The following TANC1 variants were observed in gnomAD, a reference collection of about 807,000 sequenced individuals.
TANC1 encodes protein TANC1.
In TANC1, 77 loss-of-function variants were observed where a neutral mutation model predicts 149.7. That is an observed-to-expected ratio of 0.51 (90% CI 0.43 to 0.62). TANC1 has a LOEUF of 0.62. TANC1 is among the 20% of genes least tolerant of loss of function. TANC1 has a pLI of 0.00. For missense variants in TANC1, 1,985 were observed against 2,321.8 expected (o/e 0.85, Z 2.98); for synonymous variants, 854 against 925.0 (o/e 0.92, Z 1.39).
At position 159,103,245 on chromosome 2, in the gene TANC1, C is replaced by T. The variant is rs1176218864; in HGVS notation, c.259+5411C>T. The stretch of plus-strand genomic sequence containing the variant: ...TATTTACAAACATCTCTGATATCTC[C>T]TTGGGGTAGCAGGTTCCCAGCAGTG... On this transcript the variant is annotated intron_variant, in intron 4 of 26. Coordinates refer to ENST00000263635, the MANE Select transcript of TANC1 (RefSeq NM_033394.3). 5.2e-5 allele frequency among the ~76,000 whole-genome samples: 5 copies of T among 95,516 alleles called. 2 individuals carry two copies. The highest frequency in any genetic ancestry group is 8.7e-5 in the Non-Finnish European group (3 of 34,322). The allele number at this position is 95,516 out of a possible 152,430, so 62.7% of individuals were successfully genotyped here.
Position 159,170,524 on chromosome 2 carries a change from C to G in TANC1, c.1070C>G (p.Ala357Gly). Residue 357 changes from alanine (A) to glycine (G), a missense_variant and splice_region_variant, in exon 10 of 27, where the codon GCA (alanine) becomes GGA (glycine). Physicochemically the swap from Ala to Gly is moderately conservative, Grantham distance 60 (BLOSUM62 0). Coordinates refer to ENST00000263635, the MANE Select transcript of TANC1 (RefSeq NM_033394.3). Reference sequence around the variant, plus strand: ...AAAATTTTTTTTTCTTCTTTTGAAGCACGATTTGCTCCCTACAAGCCACAA... The same window carrying G: ...AAAATTTTTTTTTCTTCTTTTGAAGGACGATTTGCTCCCTACAAGCCACAA... ...TAGGRAQEVK[A>G]RFAPYKPQDI... The G allele has an allele frequency of 6.4e-7, 1 of 1,558,096 alleles. No homozygotes were observed. Among genetic ancestry groups the G allele is most frequent in the South Asian group, 1.2e-5 (1 of 82,882 alleles).
chr2:159,065,197 A>G (rs546745629), intron 2 of TANC1, among the ~76,000 whole-genome samples: 23 of 152,336 alleles, frequency 1.5e-4, no homozygotes, highest in African/African-American at 5.5e-4. Context: ...TTACAAGCTC[A>G]GTACAACCCT....
Position 159,159,711 on chromosome 2 carries a change from TGTGTGTGAGAGAGAGAGA to T in TANC1, c.683-3570_683-3553del, listed in dbSNP as rs1439497683. The stretch of plus-strand genomic sequence containing the variant: ...ACATACGTGTGTGTGTGTGTGTGTG[TGTGTGTGAGAGAGAGAGA>T]GAGAGAGAGAGAGAGAGAGAGAGAG... On this transcript the variant is annotated intron_variant, in intron 7 of 26. Transcript: ENST00000263635. Among the ~76,000 whole-genome samples the T allele has an allele frequency of 1.2e-4, 8 of 64,676 alleles. No homozygotes were observed. The East Asian group carries it at 2.8e-3, about 23-fold the overall frequency. The allele number at this position is 64,676 out of a possible 152,430, so 42.4% of individuals were successfully genotyped here. A position where few individuals can be genotyped will look rare whatever the true frequency, so the allele number is the denominator to read the frequency against.
intron 23 of TANC1, chr2:159,224,635 C>T: frequency 7.7e-6 from 3 of 387,820 alleles, no homozygotes; most frequent in Non-Finnish European, 9.6e-6. Flanking sequence ...AGAGGAACCA[C>T]AGCCTCTTGC....
At chr2:159,208,069 T>G (rs2058747011) in intron 19 of TANC1, among the ~76,000 whole-genome samples, 1 of 152,190 alleles carries the variant, frequency 6.6e-6, no homozygotes, top group South Asian at 2.1e-4. Context: ...ACTCAGTTAT[T>G]TCACCTCAGT....
intron 14 of TANC1, among the ~76,000 whole-genome samples, chr2:159,185,295 T>C (rs1559416618): frequency 6.6e-6 from 1 of 152,180 alleles, no homozygotes; most frequent in East Asian, 1.9e-4. Flanking sequence ...GGCAGGATGG[T>C]ACCTTCACAA....
chr2:159,155,819 C>T (rs1177766280), intron 7 of TANC1, among the ~76,000 whole-genome samples: 1 of 152,152 alleles, frequency 6.6e-6, no homozygotes, highest in Non-Finnish European at 1.5e-5. Flanking sequence ...TATTAGACAC[C>T]TGGTTAGTAT....
chr2:158,991,336 C>T (rs2035606367), intron 1 of TANC1, among the ~76,000 whole-genome samples: 1 of 152,068 alleles, frequency 6.6e-6, no homozygotes, highest in African/African-American at 2.4e-5. Context: ...AATTTTGGTA[C>T]ATCCATACGA....
At chr2:159,046,536 T>G (rs2041055127) in intron 2 of TANC1, among the ~76,000 whole-genome samples, 1 of 149,012 alleles carries the variant, frequency 6.7e-6, no homozygotes, top group Non-Finnish European at 1.5e-5. Context: ...TGATCATTCC[T>G]CATCAAAGCT....
intron 3 of TANC1, among the ~76,000 whole-genome samples, 154 bp downstream of exon 3, chr2:159,066,125 A>G (rs2042639132): frequency 6.6e-6 from 1 of 152,226 alleles, no homozygotes; most frequent in Non-Finnish European, 1.5e-5. Flanking sequence ...GAAATGAAAT[A>G]GGCCAGACAT....
rs768561822 is a variant in TANC1, at chr2:159,219,916, C to A, written c.3678+49C>A. The stretch of plus-strand genomic sequence containing the variant: ...ACCTCCACCTGCATTGGAAAGAAAC[C>A]CCAGGAAGTGAACAGCTCAATCCAG... On this transcript the variant is annotated intron_variant, in intron 22 of 26. Transcript: ENST00000263635. 21 of 1,598,096 alleles carry A rather than the reference C, an allele frequency of 1.3e-5. No homozygotes were observed. In the African/African-American group the frequency reaches 2.4e-4, roughly 18 times the overall value.
At position 159,197,226 on chromosome 2, in the gene TANC1, T is replaced by C. The variant is rs550124027; in HGVS notation, c.3165+433T>C. Among the ~76,000 whole-genome samples, 4 of 152,360 alleles carry C rather than the reference T, an allele frequency of 2.6e-5. No individual in the cohort carries two copies. The South Asian group carries it at 8.3e-4, about 32-fold the overall frequency. ...TAAAAATAGAGCTTTAATGCTTTGA[T>C]AGCACACAAGAATGCTTGTCATTTA... On this transcript the variant is annotated intron_variant, in intron 18 of 26. Coordinates refer to ENST00000263635, the MANE Select transcript of TANC1 (RefSeq NM_033394.3).
At chr2:159,158,882 G>A (rs554584925) in intron 7 of TANC1, among the ~76,000 whole-genome samples, 1 of 152,214 alleles carries the variant, frequency 6.6e-6, no homozygotes, top group African/African-American at 2.4e-5. Context: ...GAGAAGCCAA[G>A]GTTGCAGCAA....
At chr2:159,060,284 C>T (rs1007886265) in intron 2 of TANC1, among the ~76,000 whole-genome samples, 3 of 152,188 alleles carry the variant, frequency 2.0e-5, no homozygotes, top group Admixed American at 2.0e-4. Flanking sequence ...ACAAAAGCAG[C>T]ATCTTCAGAG....
At chr2:159,062,772 C>T (rs1157528666) in intron 2 of TANC1, among the ~76,000 whole-genome samples, 1 of 150,138 alleles carries the variant, frequency 6.7e-6, no homozygotes, top group African/African-American at 2.4e-5. Flanking sequence ...TCGAGACCAT[C>T]CTGGCTAACA....
At chr2:159,124,205 A>G (rs1574824934) in intron 4 of TANC1, among the ~76,000 whole-genome samples, 1 of 152,114 alleles carries the variant, frequency 6.6e-6, no homozygotes, top group African/African-American at 2.4e-5. Context: ...TAAAAATACA[A>G]AAATTAGCCG....
chr2:159,101,416 A>T (rs148543766), intron 4 of TANC1, among the ~76,000 whole-genome samples: 1 of 152,204 alleles, frequency 6.6e-6, no homozygotes, highest in African/African-American at 2.4e-5. Context: ...TAACCTTGCA[A>T]TAATGTGACC....
intron 2 of TANC1, among the ~76,000 whole-genome samples, chr2:159,040,552 G>C (rs1046769173): frequency 2.0e-5 from 3 of 152,056 alleles, no homozygotes; most frequent in African/African-American, 7.2e-5. Context: ...TGATCAAATT[G>C]GCTACTGAAG....
intron 4 of TANC1, among the ~76,000 whole-genome samples, chr2:159,114,359 T>C (rs184378737): frequency 3.9e-5 from 6 of 152,338 alleles, no homozygotes; most frequent in African/African-American, 1.4e-4. Context: ...TCCATTAGTT[T>C]CTGAGGATGT....
Sources: gnomAD v4.1 joint callset for allele counts (sites outside exome capture counted in the v4.1 genomes callset) on GRCh38, gnomAD v4.1.1 for gene constraint, MANE v1.5 for transcripts, NCBI Gene and HGNC (gene_info 2026-07-23, HGNC 2026-07-21) for gene names.